Variants in GOLIM4 observed in about 807,000 individuals in gnomAD.
GOLIM4 encodes the protein golgi integral membrane protein 4.
GOLIM4 carries 71 observed loss-of-function variants against 107.4 expected under a neutral mutation model. That is an observed-to-expected ratio of 0.66 (90% CI 0.55 to 0.81). The LOEUF is 0.81. GOLIM4 is among the 30% of genes least tolerant of loss of function. The probability of loss-of-function intolerance (pLI) is 0.00; values close to 1 mark genes in which losing one functional copy is unlikely to be tolerated. For synonymous variants in GOLIM4, 327 were observed against 294.8 expected, an observed-to-expected ratio of 1.11 and a Z score of -1.12; for missense variants, 830 against 826.1, an observed-to-expected ratio of 1.00 and a Z score of -0.06.
chr3:168,039,634 G>A (rs1294779601), intron 7 of GOLIM4, among the ~76,000 whole-genome samples: 2 of 152,068 alleles, frequency 1.3e-5, no homozygotes, highest in African/African-American at 2.4e-5. Context: ...TTTGGTTTTG[G>A]TCATCAAATA....
chr3:168,052,398 ACT>A (rs199959906), intron 1 of GOLIM4, among the ~76,000 whole-genome samples: 1,805 of 149,940 alleles, frequency 0.012, 34 homozygotes, highest in African/African-American at 0.043. Context: ...TCACACACAC[ACT>A]CTCTCTCACA....
At position 168,094,995 on chromosome 3, in the gene GOLIM4, G is replaced by A. The variant is rs949105019; in HGVS notation, c.187+104C>T. 4 of 814,706 alleles carry A rather than the reference G, an allele frequency of 4.9e-6. No individual in the cohort carries two copies. The Admixed American group carries it at 1.0e-4, about 21-fold the overall frequency. The allele number at this position is 814,706 out of a possible 1,614,324, so 50.5% of individuals were successfully genotyped here. A position where few individuals can be genotyped will look rare whatever the true frequency, so the allele number is the denominator to read the frequency against. On this transcript the variant is annotated intron_variant, in intron 1 of 15. Transcript: ENST00000470487. ...ACCTCTGACGTCCCTGAAGGTCAGA[G>A]GTGGCAACCACAGTGCCAATAGCTC...
At chr3:168,069,777 T>TA (rs34554732) in intron 1 of GOLIM4, among the ~76,000 whole-genome samples, 85,851 of 152,076 alleles carry the variant, frequency 0.56, 26,081 homozygotes, top group African/African-American at 0.76. Context: ...AAATGCCTGT[T>TA]AAAAATATCT....
intron 1 of GOLIM4, among the ~76,000 whole-genome samples, chr3:168,064,412 T>C (rs558285938): frequency 2.4e-4 from 37 of 152,308 alleles, no homozygotes; most frequent in South Asian, 1.0e-3. Context: ...CTATCAATTA[T>C]TTCATGAAAT....
rs1206464366 is a variant in GOLIM4, at chr3:168,095,902, C to G, written c.-617G>C. ...GCCCCGCCACCTCCTGCCCAACTTA[C>G]GTGTCACCCACGGCCCGGCTATTCT... On this transcript the variant is annotated 5_prime_UTR_variant, in exon 1 of 16. Transcript: ENST00000470487. The G allele has an allele frequency of 6.6e-6, 1 of 152,468 alleles. No individual in the cohort carries two copies. The highest frequency in any genetic ancestry group is 2.4e-5 in the African/African-American group (1 of 41,458). The allele number at this position is 152,468 out of a possible 1,614,324, so 9.4% of individuals were successfully genotyped here.
chr3:168,069,038 T>C (rs752855270), intron 1 of GOLIM4, among the ~76,000 whole-genome samples: 23 of 152,076 alleles, frequency 1.5e-4, no homozygotes, highest in Non-Finnish European at 2.6e-4. Context: ...GGTTTCACCA[T>C]GTTGGCTAGG....
At chr3:168,065,817 T>C (rs1224022061) in intron 1 of GOLIM4, among the ~76,000 whole-genome samples, 1 of 152,216 alleles carries the variant, frequency 6.6e-6, no homozygotes, top group Non-Finnish European at 1.5e-5. Context: ...ATAGAAAAAC[T>C]GGCCAGAGGC....
Position 168,031,867 on chromosome 3 carries a change from TA to T in GOLIM4, c.1176+652del, listed in dbSNP as rs529829635. Among the ~76,000 whole-genome samples the T allele has an allele frequency of 7.5e-3, 1,137 of 152,334 alleles. 9 individuals carry two copies. Among genetic ancestry groups the T allele is most frequent in the Non-Finnish European group, 0.01 (703 of 68,016 alleles). ...GTAAAAGAAAGGCATCTAGCTGCAC[TA>T]ACTGTTGGTTTAAAAGAAGAAAGGG... is the stretch of plus-strand genomic sequence containing the variant. On this transcript the variant is annotated intron_variant, in intron 9 of 15. Coordinates refer to ENST00000470487, the MANE Select transcript of GOLIM4 (RefSeq NM_014498.5).
At position 168,032,173 on chromosome 3, in the gene GOLIM4, TG is replaced by T. The variant is rs146475737; in HGVS notation, c.1176+346del. On this transcript the variant is annotated intron_variant, in intron 9 of 15. Coordinates refer to ENST00000470487, the MANE Select transcript of GOLIM4 (RefSeq NM_014498.5). ...AATGAGATTTTTCTCTGCCTCAAGATGCTCAAGACAAAACTTGGGTACAAGC... is the reference window on the plus strand; with the variant it reads ...AATGAGATTTTTCTCTGCCTCAAGATCTCAAGACAAAACTTGGGTACAAGC... Among the ~76,000 whole-genome samples the T allele has an allele frequency of 1.9e-3, 296 of 152,310 alleles. 1 individual carries two copies. Among genetic ancestry groups the T allele is most frequent in the South Asian group, 0.011 (51 of 4,820 alleles).
intron 1 of GOLIM4, among the ~76,000 whole-genome samples, chr3:168,082,299 T>C (rs1445219383): frequency 6.6e-6 from 1 of 152,120 alleles, no homozygotes; most frequent in Non-Finnish European, 1.5e-5. Context: ...GAGCTGGTGC[T>C]GGATAGGAGG....
Position 168,095,509 on chromosome 3 carries a change from G to C in GOLIM4, c.-224C>G, listed in dbSNP as rs1325908912. 1 of 507,216 alleles carries C rather than the reference G, an allele frequency of 2.0e-6. No homozygotes were observed. Among genetic ancestry groups the C allele is most frequent in the Non-Finnish European group, 3.5e-6 (1 of 289,486 alleles). 31.4% of individuals were successfully genotyped at this position (507,216 alleles called of 1,614,324 possible). A position where few individuals can be genotyped will look rare whatever the true frequency, so the allele number is the denominator to read the frequency against. ...CCCGGGCAGCTGCAGCCAAACTTCT[G>C]CGAGGCTCGTTCTCCGCGAATGCCC... On this transcript the variant is annotated 5_prime_UTR_variant, in exon 1 of 16. Coordinates refer to ENST00000470487, the MANE Select transcript of GOLIM4 (RefSeq NM_014498.5).
intron 12 of GOLIM4, among the ~76,000 whole-genome samples, chr3:168,026,308 G>A (rs1037623951): frequency 6.6e-6 from 1 of 152,042 alleles, no homozygotes; most frequent in Non-Finnish European, 1.5e-5. Flanking sequence ...GGAATTACAG[G>A]AAAAATGTAA....
chr3:168,063,520 A>C (rs964747170), intron 1 of GOLIM4, among the ~76,000 whole-genome samples: 5 of 152,208 alleles, frequency 3.3e-5, no homozygotes, highest in African/African-American at 1.2e-4. Context: ...TATGAAGAAT[A>C]CATGTGACTC....
At position 168,055,650 on chromosome 3, in the gene GOLIM4, AC is replaced by A. The variant is rs372981064; in HGVS notation, c.188-7286del. On this transcript the variant is annotated intron_variant, in intron 1 of 15. Transcript: ENST00000470487. ...CGTCTCTACTAAAAATACAAAAAAA[AC>A]ATTAGCTGGGCGTGATGGCAGGTAC... Among the ~76,000 whole-genome samples, 213 of 152,108 alleles carry A rather than the reference AC, an allele frequency of 1.4e-3. 1 individual carries two copies. Among genetic ancestry groups the A allele is most frequent in the East Asian group, 0.014 (72 of 5,162 alleles).
At chr3:168,031,827 C>A (rs9844967) in intron 9 of GOLIM4, among the ~76,000 whole-genome samples, 85,491 of 152,082 alleles carry the variant, frequency 0.56, 25,854 homozygotes, top group African/African-American at 0.75. Context: ...ACTATTGAGA[C>A]TCAGTTTAGA....
intron 8 of GOLIM4, among the ~76,000 whole-genome samples, chr3:168,035,711 A>G (rs1041889371): frequency 2.0e-5 from 3 of 152,334 alleles, no homozygotes; most frequent in Middle Eastern, 3.4e-3. Context: ...GGGTGATAAG[A>G]TAATCTTTAC....
At chr3:168,011,202 A>G (rs58889738) in intron 14 of GOLIM4, among the ~76,000 whole-genome samples, 21,907 of 141,206 alleles carry the variant, frequency 0.16, 4,471 homozygotes, top group African/African-American at 0.48. Flanking sequence ...TGCGCGAGCC[A>G]AAGCAGGGCG....
Position 168,095,409 on chromosome 3 carries a change from A to T in GOLIM4, c.-124T>A. The T allele has an allele frequency of 1.3e-6, 1 of 765,488 alleles. No individual in the cohort carries two copies. The highest frequency in any genetic ancestry group is 2.0e-6 in the Non-Finnish European group (1 of 490,556). 47.4% of individuals were successfully genotyped at this position (765,488 alleles called of 1,614,324 possible). On this transcript the variant is annotated 5_prime_UTR_variant, in exon 1 of 16. Coordinates refer to ENST00000470487, the MANE Select transcript of GOLIM4 (RefSeq NM_014498.5). The stretch of plus-strand genomic sequence containing the variant: ...GCAGCATGAGGAGGAGATGCCAGAC[A>T]CAAAAGCCGGCCCGGAGGGGAAGTG...
At chr3:168,021,218 ATAT>A (rs1467081111) in intron 14 of GOLIM4, among the ~76,000 whole-genome samples, 1 of 152,140 alleles carries the variant, frequency 6.6e-6, no homozygotes, top group East Asian at 1.9e-4. Flanking sequence ...CACATTGAAG[ATAT>A]TATGGGTGTG....
Sources: allele counts gnomAD v4.1 joint callset (sites outside exome capture counted in the v4.1 genomes callset), GRCh38; gene constraint gnomAD v4.1.1; transcripts MANE v1.5; gene names NCBI Gene and HGNC (gene_info 2026-07-23, HGNC 2026-07-21).